The following TMEM45A variants were observed in gnomAD, a reference collection of about 807,000 sequenced individuals.
The protein encoded by TMEM45A is DNA polymerase-transactivated protein 4.
In TMEM45A, 25 loss-of-function variants were observed where a neutral mutation model predicts 32.0. The observed-to-expected ratio is 0.78, with a 90% CI of 0.57 to 1.09. The LOEUF (loss-of-function observed/expected upper bound fraction) is 1.09, where lower values mean the gene tolerates loss of function less well. Among genes scored for constraint, TMEM45A ranks in the 50% least tolerant of loss-of-function variants. The pLI, the probability that TMEM45A is intolerant of heterozygous loss-of-function variation, is 0.00. For synonymous variants in TMEM45A, 122 were observed against 114.8 expected (o/e 1.06, Z -0.40); for missense variants, 302 against 325.0 (o/e 0.93, Z 0.54).
chr3:100,523,186 G>T (rs1440186268), intron 1 of TMEM45A, among the ~76,000 whole-genome samples: 4 of 152,176 alleles, frequency 2.6e-5, no homozygotes, highest in Non-Finnish European at 5.9e-5. Flanking sequence ...TTATGCAATG[G>T]TTGCAGGTGT....
At chr3:100,517,381 C>A (rs1336192236) in intron 1 of TMEM45A, among the ~76,000 whole-genome samples, 2 of 152,112 alleles carry the variant, frequency 1.3e-5, no homozygotes, top group African/African-American at 4.8e-5. Context: ...CCACCGCACC[C>A]GGCTGGGAAT....
At chr3:100,546,718 CAGA>C (rs1705986075) in intron 1 of TMEM45A, among the ~76,000 whole-genome samples, 1 of 152,196 alleles carries the variant, frequency 6.6e-6, no homozygotes, top group African/African-American at 2.4e-5. Flanking sequence ...TAGAAAGGAA[CAGA>C]AGGAGATGCC....
At chr3:100,533,887 A>G (rs1178205589) in intron 1 of TMEM45A, among the ~76,000 whole-genome samples, 1 of 152,216 alleles carries the variant, frequency 6.6e-6, no homozygotes, top group Non-Finnish European at 1.5e-5. Flanking sequence ...TGTCAAGCGC[A>G]CAGTGGTCTT....
chr3:100,576,596 G>A (rs1706691701), intron 5 of TMEM45A, among the ~76,000 whole-genome samples: 1 of 151,968 alleles, frequency 6.6e-6, no homozygotes, highest in Admixed American at 6.6e-5. Flanking sequence ...CTCCAGCCTG[G>A]GTGACAGAGC....
intron 1 of TMEM45A, among the ~76,000 whole-genome samples, chr3:100,524,295 G>T (rs768292543): frequency 6.6e-6 from 1 of 152,208 alleles, no homozygotes; most frequent in Non-Finnish European, 1.5e-5. Context: ...ATTTATAAAC[G>T]TGGTTCTCAT....
chr3:100,541,135 T>A (rs1353068094), intron 1 of TMEM45A, among the ~76,000 whole-genome samples: 1 of 152,220 alleles, frequency 6.6e-6, no homozygotes, highest in Non-Finnish European at 1.5e-5. Context: ...TTTTGAGAAG[T>A]GTCTGTTCAT....
intron 1 of TMEM45A, among the ~76,000 whole-genome samples, chr3:100,526,297 C>A (rs1055235544): frequency 1.3e-5 from 2 of 152,188 alleles, no homozygotes; most frequent in African/African-American, 4.8e-5. Flanking sequence ...TACTGCCAGC[C>A]TCTTTAGCTT....
At chr3:100,511,612 C>A (rs1461599390) in intron 1 of TMEM45A, among the ~76,000 whole-genome samples, 16 of 151,744 alleles carry the variant, frequency 1.1e-4, no homozygotes, top group Admixed American at 9.8e-4. Context: ...GGATCAAATT[C>A]ACACATAACA....
intron 1 of TMEM45A, among the ~76,000 whole-genome samples, chr3:100,541,610 G>A (rs114360471): frequency 0.012 from 1,671 of 135,332 alleles, 20 homozygotes; most frequent in African/African-American, 0.043. Context: ...ACTCACTGCC[G>A]CCTCACCTTC....
intron 5 of TMEM45A, chr3:100,574,110 T>A (rs1267964251): frequency 6.6e-6 from 1 of 152,220 alleles, no homozygotes; most frequent in Non-Finnish European, 1.5e-5. Flanking sequence ...GATGCTGGCC[T>A]CATGAAATGA....
intron 1 of TMEM45A, among the ~76,000 whole-genome samples, chr3:100,529,755 G>A (rs1705611893): frequency 6.6e-6 from 1 of 152,008 alleles, no homozygotes; most frequent in African/African-American, 2.4e-5. Context: ...TGAGTAGTTG[G>A]GACTACAGGC....
At chr3:100,521,481 G>C (rs756094751) in intron 1 of TMEM45A, among the ~76,000 whole-genome samples, 1 of 152,130 alleles carries the variant, frequency 6.6e-6, no homozygotes, top group Non-Finnish European at 1.5e-5. Context: ...TCGAGTTCCC[G>C]ACCTCAGGTG....
At chr3:100,509,324 C>T (rs1258948464) in intron 1 of TMEM45A, among the ~76,000 whole-genome samples, 1 of 152,194 alleles carries the variant, frequency 6.6e-6, no homozygotes, top group African/African-American at 2.4e-5. Context: ...AACTCTTACA[C>T]ATTGTTGGTG....
At chr3:100,553,096 T>C (rs1706141456) in intron 1 of TMEM45A, among the ~76,000 whole-genome samples, 1 of 152,244 alleles carries the variant, frequency 6.6e-6, no homozygotes, top group African/African-American at 2.4e-5. Flanking sequence ...TGAGCTTATT[T>C]AACAGTACTG....
intron 5 of TMEM45A, among the ~76,000 whole-genome samples, chr3:100,575,704 G>A (rs1050857426): frequency 3.3e-5 from 5 of 152,154 alleles, no homozygotes; most frequent in Non-Finnish European, 5.9e-5. Flanking sequence ...CAGTCACCAG[G>A]ATGGAGGGTA....
At chr3:100,494,292 C>T (rs899103581) in intron 1 of TMEM45A, among the ~76,000 whole-genome samples, 1 of 152,074 alleles carries the variant, frequency 6.6e-6, no homozygotes, top group African/African-American at 2.4e-5. Context: ...CTTTAATTTC[C>T]GGCTCAGAAA....
At chr3:100,496,696 T>C (rs952229221) in intron 1 of TMEM45A, among the ~76,000 whole-genome samples, 4 of 152,234 alleles carry the variant, frequency 2.6e-5, no homozygotes, top group Non-Finnish European at 5.9e-5. Flanking sequence ...GTGGATCTCA[T>C]TGCAGGCATG....
intron 1 of TMEM45A, among the ~76,000 whole-genome samples, chr3:100,536,862 A>C (rs1243034029): frequency 6.6e-6 from 1 of 152,298 alleles, no homozygotes; most frequent in African/African-American, 2.4e-5. Context: ...AGCCTGTCCC[A>C]AGGTGAAAGG....
At chr3:100,540,193 G>T (rs1031950591) in intron 1 of TMEM45A, among the ~76,000 whole-genome samples, 4 of 152,086 alleles carry the variant, frequency 2.6e-5, no homozygotes, top group African/African-American at 7.2e-5. Flanking sequence ...TATGGAAAAA[G>T]AAAGGTCTAT....
Sources: gnomAD v4.1 joint callset for allele counts (sites outside exome capture counted in the v4.1 genomes callset) on GRCh38, gnomAD v4.1.1 for gene constraint, MANE v1.5 for transcripts, NCBI Gene and HGNC (gene_info 2026-07-23, HGNC 2026-07-21) for gene names.